The following ATM variants were observed in gnomAD, a reference collection of about 807,000 sequenced individuals.
ATM encodes serine-protein kinase ATM.
In ATM, 308 loss-of-function variants were observed where a neutral mutation model predicts 387.0. The observed-to-expected ratio is 0.80, with a 90% CI of 0.73 to 0.87. The LOEUF is 0.87. ATM is among the 40% of genes least tolerant of loss of function. ATM has a pLI of 0.00. For missense variants in ATM, 3,312 were observed against 3,560.9 expected (o/e 0.93, Z 1.78); for synonymous variants, 1,156 against 1,187.3 (o/e 0.97, Z 0.54).
chr11:108,296,180 C>T (rs1182000948), intron 32 of ATM, among the ~76,000 whole-genome samples: 3 of 151,778 alleles, frequency 2.0e-5, no homozygotes, highest in Non-Finnish European at 2.9e-5. Flanking sequence ...TTGAAATGTA[C>T]ATTATTACAG....
chr11:108,226,762 A>T (rs573017868), intron 1 of ATM: 1 of 151,644 alleles, frequency 6.6e-6, no homozygotes, highest in Non-Finnish European at 1.5e-5. Flanking sequence ...GCTGGAGTGC[A>T]GTGGCGCGAT....
rs2091430617 is a variant in ATM, at chr11:108,368,203, T to C, written c.*2695T>C. On this transcript the variant is annotated 3_prime_UTR_variant, in exon 63 of 63. Transcript: ENST00000675843. ...TAATTCACAGATGACAGAATTAAGA[T>C]TATAAAAGATTTTTTTTTTGTAATT... The C allele has an allele frequency of 4.8e-6, 1 of 206,674 alleles. No homozygotes were observed. Among genetic ancestry groups the C allele is most frequent in the East Asian group, 7.4e-5 (1 of 13,562 alleles). The allele number at this position is 206,674 out of a possible 1,614,324, so 12.8% of individuals were successfully genotyped here. A position where few individuals can be genotyped will look rare whatever the true frequency, so the allele number is the denominator to read the frequency against.
rs1057524579 is a variant in ATM at position 108,307,937 on chromosome 11, A to G, written c.5715A>G (p.Ser1905=). The G allele has an allele frequency of 2.5e-6, 4 of 1,613,966 alleles. No individual in the cohort carries two copies. Among genetic ancestry groups the G allele is most frequent in the Non-Finnish European group, 3.4e-6 (4 of 1,179,924 alleles). ...TCCGATGCTGTTTGGATAAAAAATCACAAAGAACAATGCTTGCTGTTGTGG... is the reference window on the plus strand; with the variant it reads ...TCCGATGCTGTTTGGATAAAAAATCGCAAAGAACAATGCTTGCTGTTGTGG... ...HFFRCCLDKK[S]QRTMLAVVDY... The change falls in exon 38 of 63, where the codon TCA becomes TCG. Residue 1905 remains serine, a synonymous_variant. Coordinates refer to ENST00000675843, the MANE Select transcript of ATM (RefSeq NM_000051.4).
intron 16 of ATM, among the ~76,000 whole-genome samples, chr11:108,260,879 G>A (rs566015383): frequency 2.0e-5 from 3 of 152,314 alleles, no homozygotes; most frequent in South Asian, 4.1e-4. Flanking sequence ...AAGGGGGGAC[G>A]GACGGCACCT....
At chr11:108,293,894 A>AAAAATAT (rs1491178678) in intron 31 of ATM, among the ~76,000 whole-genome samples, 1 of 83,708 alleles carries the variant, frequency 1.2e-5, no homozygotes, top group African/African-American at 4.2e-5. Context: ...AAAAAAAAAA[A>AAAAATAT]ATATATATAT....
At chr11:108,264,124 C>T (rs1591573205) in intron 16 of ATM, among the ~76,000 whole-genome samples, 1 of 151,884 alleles carries the variant, frequency 6.6e-6, no homozygotes, top group Non-Finnish European at 1.5e-5. Context: ...CTCCCTAACT[C>T]ATTTTATGAG....
intron 26 of ATM, among the ~76,000 whole-genome samples, chr11:108,286,148 A>G (rs1009187522): frequency 1.3e-5 from 2 of 152,000 alleles, no homozygotes; most frequent in South Asian, 2.1e-4. Context: ...CCTGGCCAAC[A>G]TGGTGAAACC....
rs973801395 is a variant in ATM at position 108,325,251 on chromosome 11, T to G, written c.6573-59T>G. The G allele has an allele frequency of 4.7e-5, 9 of 190,332 alleles. No individual in the cohort carries two copies. The African/African-American group carries it at 6.5e-4, about 14-fold the overall frequency. The allele number at this position is 190,332 out of a possible 1,614,324, so 11.8% of individuals were successfully genotyped here. On this transcript the variant is annotated intron_variant, in intron 45 of 62. Coordinates refer to ENST00000675843, the MANE Select transcript of ATM (RefSeq NM_000051.4). ...TCGTAAGTTCCAGAACTTACATAGT[T>G]TTTTTTTTTTTTTTTTTCATTTCTC... is the stretch of plus-strand genomic sequence containing the variant.
At chr11:108,252,783 T>G in intron 11 of ATM, 34 bp from the exon 12 acceptor site, 1 of 1,419,686 alleles carries the variant, frequency 7.0e-7, no homozygotes, top group Non-Finnish European at 9.9e-7. Context: ...TGGCTTTTGG[T>G]CTTCTAAGTG....
At chr11:108,318,222 C>T (rs759964099) in intron 43 of ATM, among the ~76,000 whole-genome samples, 2 of 151,902 alleles carry the variant, frequency 1.3e-5, no homozygotes, top group African/African-American at 2.4e-5. Context: ...ATTAGCCAGG[C>T]GTGGCAGCAT....
chr11:108,293,894 AATATATAT>A (rs1220002313), intron 31 of ATM, among the ~76,000 whole-genome samples: 40 of 83,674 alleles, frequency 4.8e-4, no homozygotes, highest in Admixed American at 7.9e-4. Flanking sequence ...AAAAAAAAAA[AATATATAT>A]ATATATATAT....
chr11:108,299,576 C>T lies in ATM; in HGVS notation c.5006-138C>T, dbSNP rs4988030. The T allele has an allele frequency of 2.9e-3, 2,376 of 818,374 alleles. 47 individuals carry two copies. In the East Asian group the frequency reaches 0.039, roughly 14 times the overall value. The allele number at this position is 818,374 out of a possible 1,614,324, so 50.7% of individuals were successfully genotyped here. A position where few individuals can be genotyped will look rare whatever the true frequency, so the allele number is the denominator to read the frequency against. On this transcript the variant is annotated intron_variant, in intron 33 of 62. Coordinates refer to ENST00000675843, the MANE Select transcript of ATM (RefSeq NM_000051.4). ...TCTCCCAAAGTGCTGGGATTACAGT[C>T]GTGAGCCACCGCACTCGGCCTTAAG... is the stretch of plus-strand genomic sequence containing the variant.
At chr11:108,239,246 C>T (rs1252266419) in intron 5 of ATM, among the ~76,000 whole-genome samples, 2 of 152,262 alleles carry the variant, frequency 1.3e-5, no homozygotes, top group East Asian at 1.9e-4. Flanking sequence ...AGTCTGCAGC[C>T]CCAAAGAGGG....
chr11:108,313,337 T>C (rs1040193834), intron 40 of ATM, among the ~76,000 whole-genome samples: 1 of 152,202 alleles, frequency 6.6e-6, no homozygotes, highest in Non-Finnish European at 1.5e-5. Context: ...TGTTCTCTTT[T>C]AGGTATCACC....
chr11:108,348,635 C>T (rs2088791848), intron 59 of ATM, among the ~76,000 whole-genome samples: 1 of 151,458 alleles, frequency 6.6e-6, no homozygotes, highest in Middle Eastern at 4.2e-3. Flanking sequence ...GTATTAATCA[C>T]TAGGTGATAA....
rs561827255 is a variant in ATM, at chr11:108,358,895, C to A, written c.8850+4021C>A. ...GGAAGAAACTGCATCAACTAACGAA[C>A]AAAATCACCAGCTAACATCATAATG... On this transcript the variant is annotated intron_variant, in intron 61 of 62. Transcript: ENST00000675843. Among the ~76,000 whole-genome samples the A allele has an allele frequency of 4.0e-5, 6 of 151,826 alleles. No homozygotes were observed. In the East Asian group the frequency reaches 1.2e-3, roughly 29 times the overall value.
chr11:108,324,220 G>A (rs2085439424), intron 45 of ATM, among the ~76,000 whole-genome samples: 1 of 152,016 alleles, frequency 6.6e-6, no homozygotes, highest in Non-Finnish European at 1.5e-5. Context: ...TTTAATAAAA[G>A]CACAATCTAG....
intron 61 of ATM, chr11:108,356,167 A>G (rs1207775397): frequency 6.6e-6 from 1 of 152,240 alleles, no homozygotes; most frequent in Non-Finnish European, 1.5e-5. Flanking sequence ...TTAAAAAAAT[A>G]ATACATGGTA....
rs1060501568 is a variant in ATM, at chr11:108,304,754, G to A, written c.5576G>A (p.Arg1859Lys). 1.2e-6 allele frequency: 2 copies of A among 1,613,984 alleles called. No individual in the cohort carries two copies. The highest frequency in any genetic ancestry group is 1.3e-5 in the African/African-American group (1 of 75,000). The stretch of plus-strand genomic sequence containing the variant: ...CTCCAAGATACAAATGAATCATGGA[G>A]AAATCTGCTTTCTACACATGTTCAG... ...ILLQDTNESW[R>K]NLLSTHVQGF... The change falls in exon 37 of 63, where the codon AGA becomes AAA. Residue 1859 changes from arginine (R) to lysine (K), a missense_variant. Coordinates refer to ENST00000675843, the MANE Select transcript of ATM (RefSeq NM_000051.4).
Sources: allele counts gnomAD v4.1 joint callset (sites outside exome capture counted in the v4.1 genomes callset), GRCh38; gene constraint gnomAD v4.1.1; transcripts MANE v1.5; gene names NCBI Gene and HGNC (gene_info 2026-07-23, HGNC 2026-07-21).